Variants in MAN1C1 observed in about 807,000 individuals in gnomAD.
MAN1C1 encodes the protein mannosyl-oligosaccharide 1,2-alpha-mannosidase IC.
Under a neutral mutation model 71.5 loss-of-function variants are expected in MAN1C1, and 49 were observed. That is an observed-to-expected ratio of 0.69 (90% CI 0.54 to 0.87). The LOEUF (loss-of-function observed/expected upper bound fraction) is 0.87, where lower values mean the gene tolerates loss of function less well. Among genes scored for constraint, MAN1C1 ranks in the 40% least tolerant of loss-of-function variants. The pLI is 0.00. For missense variants in MAN1C1, 743 were observed against 835.0 expected (o/e 0.89, Z 1.36); for synonymous variants, 352 against 343.7 (o/e 1.02, Z -0.27).
At chr1:25,705,099 C>T (rs773378459) in intron 2 of MAN1C1, among the ~76,000 whole-genome samples, 22 of 152,038 alleles carry the variant, frequency 1.4e-4, no homozygotes, top group South Asian at 4.1e-4. Context: ...TTACTCGATC[C>T]GTTTTTTTCT....
intron 3 of MAN1C1, 47 bp from the exon 4 acceptor site, chr1:25,749,208 A>G (rs761972791): frequency 3.3e-6 from 5 of 1,529,558 alleles, no homozygotes; most frequent in South Asian, 2.3e-5. Flanking sequence ...AAGGGCCTGC[A>G]TCTTACAAGT....
At chr1:25,639,210 T>TTCACTCATCCAA (rs2045505406) in intron 1 of MAN1C1, among the ~76,000 whole-genome samples, 3 of 152,192 alleles carry the variant, frequency 2.0e-5, no homozygotes, top group Non-Finnish European at 4.4e-5. Context: ...CTAATGGTTT[T>TTCACTCATCCAA]TGTTTCTCTG....
chr1:25,771,806 G>A (rs1230293716), intron 8 of MAN1C1, 34 bp downstream of exon 8: 1 of 1,544,454 alleles, frequency 6.5e-7, no homozygotes, highest in Non-Finnish European at 9.0e-7. Context: ...ACAGGCCGCT[G>A]GTCACCAGCC....
At chr1:25,755,497 C>T (rs554486170) in intron 5 of MAN1C1, among the ~76,000 whole-genome samples, 18 of 152,210 alleles carry the variant, frequency 1.2e-4, no homozygotes, top group Non-Finnish European at 2.5e-4. Context: ...ATGCATGCTC[C>T]CGCCACACAC....
At chr1:25,655,543 T>G (rs2045752031) in intron 1 of MAN1C1, among the ~76,000 whole-genome samples, 1 of 152,174 alleles carries the variant, frequency 6.6e-6, no homozygotes, top group Non-Finnish European at 1.5e-5. Context: ...TGGAAAACTG[T>G]TCTCAGGTTC....
intron 1 of MAN1C1, among the ~76,000 whole-genome samples, chr1:25,686,026 A>C (rs2744777): frequency 0.089 from 13,596 of 152,298 alleles, 805 homozygotes; most frequent in African/African-American, 0.16. Flanking sequence ...CTCCTTAGCT[A>C]TAAAATGGGT....
At position 25,779,941 on chromosome 1, in the gene MAN1C1, G is replaced by T. The variant is rs983223259; in HGVS notation, c.1478-999G>T. Among the ~76,000 whole-genome samples the T allele has an allele frequency of 6.6e-6, 1 of 152,140 alleles. No homozygotes were observed. The highest frequency in any genetic ancestry group is 1.5e-5 in the Non-Finnish European group (1 of 68,014). On this transcript the variant is annotated intron_variant, in intron 9 of 11. Transcript: ENST00000374332. The surrounding 1 kb of genome is among the most constrained non-coding windows in gnomAD (Gnocchi z 4.6). ...TGGGTGACCTGGACAGGAGGGACAG[G>T]CATTAAAGGGAGAAGGATCTGGCCC...
intron 2 of MAN1C1, among the ~76,000 whole-genome samples, chr1:25,718,899 G>A (rs1226057942): frequency 1.3e-5 from 2 of 151,962 alleles, no homozygotes; most frequent in Admixed American, 1.3e-4. Flanking sequence ...ATTGTGTACA[G>A]ACTTTTCTAT....
chr1:25,780,995 C>T lies in MAN1C1; in HGVS notation c.1533C>T (p.Ala511=). The T allele has an allele frequency of 6.2e-7, 1 of 1,614,166 alleles. No homozygotes were observed. The highest frequency in any genetic ancestry group is 8.5e-7 in the Non-Finnish European group (1 of 1,180,028). ...FWFNSGREAV[A]TQLSESYYIL... Reference sequence around the variant, plus strand: ...TTAACTCCGGCAGAGAGGCCGTGGCCACCCAGCTGAGCGAGAGCTACTACA... The same window carrying T: ...TTAACTCCGGCAGAGAGGCCGTGGCTACCCAGCTGAGCGAGAGCTACTACA... The change falls in exon 10 of 12, where the codon GCC becomes GCT. Residue 511 remains alanine, a synonymous_variant. Transcript: ENST00000374332.
Position 25,725,827 on chromosome 1 carries a change from G to A in MAN1C1, c.638-20841G>A, listed in dbSNP as rs1382414053. Among the ~76,000 whole-genome samples the A allele has an allele frequency of 1.3e-5, 2 of 152,242 alleles. No individual in the cohort carries two copies. Among genetic ancestry groups the A allele is most frequent in the Non-Finnish European group, 2.9e-5 (2 of 68,038 alleles). On this transcript the variant is annotated intron_variant, in intron 2 of 11. Transcript: ENST00000374332. This position sits in a 1 kb window ranked among gnomAD's most constrained non-coding sequence, Gnocchi z 4.8. Reference sequence around the variant, plus strand: ...CGGGGGCTGGGTTCAAGGCACCTGAGAACAACAGATGCACATGGTAGAGCT... The same window carrying A: ...CGGGGGCTGGGTTCAAGGCACCTGAAAACAACAGATGCACATGGTAGAGCT...
At position 25,688,677 on chromosome 1, in the gene MAN1C1, G is replaced by A. The variant is rs532397465; in HGVS notation, c.637+2141G>A. On this transcript the variant is annotated intron_variant, in intron 2 of 11. Coordinates refer to ENST00000374332, the MANE Select transcript of MAN1C1 (RefSeq NM_020379.4). ...GGAATTAGAATCAGATGACCTGGGCGCAAGTCCTCACTCTGTCCTGAGCTA... is the reference window on the plus strand; with the variant it reads ...GGAATTAGAATCAGATGACCTGGGCACAAGTCCTCACTCTGTCCTGAGCTA... 6.6e-5 allele frequency among the ~76,000 whole-genome samples: 10 copies of A among 152,302 alleles called. No individual in the cohort carries two copies. In the South Asian group the frequency reaches 1.7e-3, roughly 25 times the overall value.
chr1:25,617,177 C>T lies in MAN1C1; in HGVS notation c.-621C>T, dbSNP rs551989417. On this transcript the variant is annotated 5_prime_UTR_variant, in exon 1 of 12. Transcript: ENST00000374332. The surrounding 1 kb of genome is among the most constrained non-coding windows in gnomAD (Gnocchi z 5.1). ...GGCCACTCCGGCTCCCAGCTCCCGG[C>T]GCCCTCTCCGCGGCGGAGAAAGTTG... Among the ~76,000 whole-genome samples the T allele has an allele frequency of 6.6e-6, 1 of 151,542 alleles. No homozygotes were observed. Among genetic ancestry groups the T allele is most frequent in the Admixed American group, 6.6e-5 (1 of 15,256 alleles).
At chr1:25,771,450 C>T (rs1407333827) in intron 7 of MAN1C1, among the ~76,000 whole-genome samples, 1 of 152,264 alleles carries the variant, frequency 6.6e-6, no homozygotes, top group Non-Finnish European at 1.5e-5. Context: ...GCAGGATGAG[C>T]GCTCTCTAGA....
intron 7 of MAN1C1, among the ~76,000 whole-genome samples, chr1:25,768,273 T>C (rs1363349545): frequency 5.3e-4 from 1 of 1,896 alleles, no homozygotes; most frequent in East Asian, 0.016. Flanking sequence ...ACACATCACA[T>C]ACATCCACAC....
At chr1:25,653,201 C>A (rs979359000) in intron 1 of MAN1C1, among the ~76,000 whole-genome samples, 5 of 152,280 alleles carry the variant, frequency 3.3e-5, no homozygotes, top group African/African-American at 1.2e-4. Flanking sequence ...ACCTCAGCTT[C>A]TCAAGTATTT....
At chr1:25,772,150 G>A (rs41284284) in intron 8 of MAN1C1, 553 of 192,394 alleles carry the variant, frequency 2.9e-3, no homozygotes, top group Non-Finnish European at 4.6e-3. Context: ...GCACCCCCAA[G>A]GGTGGCTGCC....
chr1:25,656,095 C>CTTGTTTTTTTTTTTTTTTTT (rs2045761030), intron 1 of MAN1C1, among the ~76,000 whole-genome samples: 1 of 74,986 alleles, frequency 1.3e-5, no homozygotes, highest in Non-Finnish European at 2.2e-5. Context: ...GATTATCAGT[C>CTTGTTTTTTTTTTTTTTTTT]TTTTTTTTTT....
intron 1 of MAN1C1, among the ~76,000 whole-genome samples, chr1:25,632,977 C>T (rs566149673): frequency 2.0e-5 from 3 of 150,806 alleles, no homozygotes; most frequent in African/African-American, 4.9e-5. Context: ...AAGTGATTCT[C>T]CTGCCTCAGC....
chr1:25,780,792 C>T, intron 9 of MAN1C1, 148 bp from the exon 10 acceptor site: 1 of 751,784 alleles, frequency 1.3e-6, no homozygotes. Flanking sequence ...TGCAGCCTTA[C>T]ACAGCAGTCC....
Sources: gnomAD v4.1 joint callset for allele counts (sites outside exome capture counted in the v4.1 genomes callset) on GRCh38, gnomAD v4.1.1 for gene constraint, Gnocchi (gnomAD v3.1) non-coding constraint, MANE v1.5 for transcripts, NCBI Gene and HGNC (gene_info 2026-07-23, HGNC 2026-07-21) for gene names.